Variants in FUT8 observed in about 807,000 individuals in gnomAD.
FUT8 encodes alpha-(1,6)-fucosyltransferase.
A neutral mutation model predicts 71.3 loss-of-function variants in FUT8; 29 were observed. That is an observed-to-expected ratio of 0.41 (90% confidence interval 0.30 to 0.55). The LOEUF (loss-of-function observed/expected upper bound fraction) is 0.55, where lower values mean the gene tolerates loss of function less well. Among genes scored for constraint, FUT8 ranks in the 20% least tolerant of loss-of-function variants. The probability of loss-of-function intolerance (pLI) is 0.34; values close to 1 mark genes in which losing one functional copy is unlikely to be tolerated. For missense variants in FUT8, 544 were observed against 702.1 expected (o/e 0.77, Z 2.55); for synonymous variants, 254 against 239.3 (o/e 1.06, Z -0.57).
Position 65,576,696 on chromosome 14 carries a change from CTTTTTTTTTTTTTTTTTTTTTT to C in FUT8, c.203+14950_203+14971del, listed in dbSNP as rs376473739. Among the ~76,000 whole-genome samples the C allele has an allele frequency of 3.6e-3, 342 of 96,218 alleles. 6 individuals are homozygous for C. Among genetic ancestry groups the C allele is most frequent in the East Asian group, 0.025 (69 of 2,792 alleles). 63.1% of individuals were successfully genotyped at this position (96,218 alleles called of 152,430 possible). A position where few individuals can be genotyped will look rare whatever the true frequency, so the allele number is the denominator to read the frequency against. Reference sequence around the variant, plus strand: ...GGTGTGTGCCATGATGCCCAGCTTGCTTTTTTTTTTTTTTTTTTTTTTTTTTTTTTTTTTTTTTTTTGAGACA... The same window carrying C: ...GGTGTGTGCCATGATGCCCAGCTTGCTTTTTTTTTTTTTTTTTTTGAGACA... On this transcript the variant is annotated intron_variant, in intron 3 of 10. Coordinates refer to ENST00000673929, the MANE Select transcript of FUT8 (RefSeq NM_001371533.1).
At chr14:65,502,971 G>T (rs1221274877) in intron 2 of FUT8, among the ~76,000 whole-genome samples, 1 of 152,114 alleles carries the variant, frequency 6.6e-6, no homozygotes, top group Non-Finnish European at 1.5e-5. Flanking sequence ...TCCCTCCCTT[G>T]AGAACTACTG....
chr14:65,513,649 A>ACAAAG (rs1192371692), intron 2 of FUT8, among the ~76,000 whole-genome samples: 1 of 84,908 alleles, frequency 1.2e-5, no homozygotes, highest in African/African-American at 4.5e-5. Context: ...AAAATCAAAA[A>ACAAAG]CAAAACAAAA....
At chr14:65,522,594 T>C (rs1177106106) in intron 2 of FUT8, among the ~76,000 whole-genome samples, 2 of 152,162 alleles carry the variant, frequency 1.3e-5, no homozygotes, top group Non-Finnish European at 2.9e-5. Flanking sequence ...AAATTATACT[T>C]TAAGTTCCAG....
At chr14:65,412,373 C>T (rs1239980211), upstream of FUT8, 1 of 455,162 alleles carries the variant, frequency 2.2e-6, no homozygotes, top group Non-Finnish European at 4.4e-6. Context: ...TGGCACGGGC[C>T]GGTCCATTCC....
At chr14:65,538,059 G>A (rs1884445972) in intron 2 of FUT8, among the ~76,000 whole-genome samples, 1 of 152,182 alleles carries the variant, frequency 6.6e-6, no homozygotes, top group African/African-American at 2.4e-5. Context: ...AGTGAGTTCA[G>A]GTCTGACTCT....
intron 1 of FUT8, among the ~76,000 whole-genome samples, chr14:65,438,439 T>C (rs557407584): frequency 6.6e-6 from 1 of 152,298 alleles, no homozygotes; most frequent in African/African-American, 2.4e-5. Context: ...AAGTATTTGG[T>C]ATTTCCCAGA....
intron 10 of FUT8, among the ~76,000 whole-genome samples, chr14:65,739,642 G>T (rs530871769): frequency 6.6e-6 from 1 of 152,154 alleles, no homozygotes; most frequent in East Asian, 1.9e-4. Context: ...TGACTGAAGA[G>T]TGGGTGAAGA....
At chr14:65,605,850 T>C (rs1888555557) in intron 3 of FUT8, among the ~76,000 whole-genome samples, 1 of 151,890 alleles carries the variant, frequency 6.6e-6, no homozygotes, top group African/African-American at 2.4e-5. Flanking sequence ...TTACCAAAAA[T>C]GCTGATCATT....
At chr14:65,641,278 C>G (rs753323978) in intron 6 of FUT8, among the ~76,000 whole-genome samples, 9 of 152,162 alleles carry the variant, frequency 5.9e-5, no homozygotes, top group Non-Finnish European at 1.2e-4. Context: ...ACAGTACATA[C>G]TATTTTGTCT....
chr14:65,704,064 A>G (rs569793180), intron 7 of FUT8, among the ~76,000 whole-genome samples: 93 of 152,344 alleles, frequency 6.1e-4, no homozygotes, highest in African/African-American at 2.0e-3. Context: ...AAGAAACCCA[A>G]TAGGTCTCCC....
chr14:65,464,503 A>G (rs902829142), intron 2 of FUT8, among the ~76,000 whole-genome samples: 3 of 151,966 alleles, frequency 2.0e-5, no homozygotes, highest in Non-Finnish European at 4.4e-5. Context: ...TTTTTTGTAA[A>G]TTTTATTTAT....
chr14:65,379,523 CTG>C, the FUT8 span, among the ~76,000 whole-genome samples: 6 of 151,686 alleles, frequency 4.0e-5, no homozygotes, highest in Non-Finnish European at 5.9e-5. Context: ...GAGGGAGACT[CTG>C]TCTCAAAACA....
intron 7 of FUT8, among the ~76,000 whole-genome samples, chr14:65,708,746 G>A (rs905219119): frequency 5.3e-5 from 8 of 152,154 alleles, no homozygotes; most frequent in Non-Finnish European, 1.0e-4. Flanking sequence ...GCCAGTCACA[G>A]AAAGACAAAC....
intron 1 of FUT8, among the ~76,000 whole-genome samples, chr14:65,421,748 T>C (rs201529407): frequency 0.068 from 526 of 7,740 alleles, 10 homozygotes; most frequent in East Asian, 0.29. Context: ...CACCCCCCCC[T>C]TTTTTTTTTT....
intron 2 of FUT8, among the ~76,000 whole-genome samples, chr14:65,482,617 T>C (rs1416210377): frequency 6.6e-6 from 1 of 152,166 alleles, no homozygotes; most frequent in Non-Finnish European, 1.5e-5. Context: ...ATGCTGACTA[T>C]TATGGCTTTA....
At chr14:65,388,666 G>C in the FUT8 span, among the ~76,000 whole-genome samples, 1 of 152,140 alleles carries the variant, frequency 6.6e-6, no homozygotes, top group Non-Finnish European at 1.5e-5. Context: ...GGAGGCTGAG[G>C]CAGGAGAATT....
intron 10 of FUT8, among the ~76,000 whole-genome samples, chr14:65,736,865 C>T (rs1250663085): frequency 6.6e-6 from 1 of 152,078 alleles, no homozygotes; most frequent in African/African-American, 2.4e-5. Context: ...ATATCTCCTT[C>T]ATAATTCTTT....
At chr14:65,703,411 G>T (rs1429072674) in intron 7 of FUT8, among the ~76,000 whole-genome samples, 1 of 152,064 alleles carries the variant, frequency 6.6e-6, no homozygotes, top group Non-Finnish European at 1.5e-5. Flanking sequence ...AAACCCAAAA[G>T]GATAAAATAT....
At chr14:65,391,585 A>G in the FUT8 span, among the ~76,000 whole-genome samples, 1 of 152,128 alleles carries the variant, frequency 6.6e-6, no homozygotes, top group Non-Finnish European at 1.5e-5. Context: ...CGAACTCCTG[A>G]CCTCGTGATC....
Sources: gnomAD v4.1 joint callset for allele counts (sites outside exome capture counted in the v4.1 genomes callset) on GRCh38, gnomAD v4.1.1 for gene constraint, MANE v1.5 for transcripts, NCBI Gene and HGNC (gene_info 2026-07-23, HGNC 2026-07-21) for gene names.